ANO3: variants seen among roughly 807,000 people sequenced by gnomAD.
ANO3 encodes anoctamin-3.
ANO3 carries 99 observed loss-of-function variants against 144.8 expected under a neutral mutation model. The ratio of observed to expected loss-of-function variants is 0.68; its 90% CI spans 0.58 to 0.81. ANO3 has a LOEUF of 0.81. Ranked by LOEUF, ANO3 falls within the 30% of genes least tolerant of loss-of-function variation. ANO3 has a pLI of 0.00. For missense variants in ANO3, 905 were observed against 1,202.2 expected, an observed-to-expected ratio of 0.75 and a Z score of 3.66; for synonymous variants, 414 against 392.6, an observed-to-expected ratio of 1.05 and a Z score of -0.64.
chr11:26,603,176 A>G (rs1461724001), intron 17 of ANO3, among the ~76,000 whole-genome samples: 1 of 152,200 alleles, frequency 6.6e-6, no homozygotes, highest in East Asian at 1.9e-4. Context: ...TGGCAAAGCT[A>G]GAATCAAAAC....
At chr11:26,411,231 G>T (rs1285221068) in intron 1 of ANO3, among the ~76,000 whole-genome samples, 1 of 152,030 alleles carries the variant, frequency 6.6e-6, no homozygotes, top group African/African-American at 2.4e-5. Flanking sequence ...TGAATTGGTT[G>T]TGGCTCTTGA....
At chr11:26,513,490 A>G (rs2134147067) in intron 5 of ANO3, among the ~76,000 whole-genome samples, 1 of 152,306 alleles carries the variant, frequency 6.6e-6, no homozygotes, top group Middle Eastern at 3.4e-3. Flanking sequence ...ACAACCTGGT[A>G]GTAGGAGACC....
At chr11:26,257,452 A>G (rs991620344) in intron 1 of ANO3, among the ~76,000 whole-genome samples, 16 of 152,122 alleles carry the variant, frequency 1.1e-4, no homozygotes, top group African/African-American at 3.9e-4. Context: ...CTGGCCCTGC[A>G]CACTCAATGG....
At chr11:26,220,102 GTCC>G in intron 1 of ANO3, among the ~76,000 whole-genome samples, 1 of 152,310 alleles carries the variant, frequency 6.6e-6, no homozygotes, top group East Asian at 1.9e-4. Flanking sequence ...CTATGGTCCT[GTCC>G]TCCTACAGTT....
intron 14 of ANO3, among the ~76,000 whole-genome samples, chr11:26,585,387 A>G (rs1325857457): frequency 6.6e-6 from 1 of 152,152 alleles, no homozygotes; most frequent in Non-Finnish European, 1.5e-5. Flanking sequence ...CATTCTTTAT[A>G]AATTTAATGA....
chr11:26,645,802 C>A (rs61877275), intron 23 of ANO3, among the ~76,000 whole-genome samples: 4,646 of 152,142 alleles, frequency 0.031, 99 homozygotes, highest in Non-Finnish European at 0.049. Context: ...ATCACCATGG[C>A]ACACGTTTAC....
chr11:26,625,643 G>T (rs115257424), intron 18 of ANO3, among the ~76,000 whole-genome samples: 1,699 of 151,768 alleles, frequency 0.011, 45 homozygotes, highest in African/African-American at 0.039. Context: ...TATCCCAAAG[G>T]TTTTGCCAAG....
chr11:26,533,995 C>T (rs1236703644), intron 8 of ANO3, among the ~76,000 whole-genome samples: 3 of 152,168 alleles, frequency 2.0e-5, no homozygotes, highest in Non-Finnish European at 2.9e-5. Context: ...ATCATTGACT[C>T]TCAAATGGTT....
chr11:26,465,134 G>A (rs1479331521), intron 4 of ANO3, among the ~76,000 whole-genome samples: 1 of 146,126 alleles, frequency 6.8e-6, no homozygotes, highest in Non-Finnish European at 1.5e-5. Context: ...TTGTGTGTGT[G>A]TGTGTGTGTG....
chr11:26,525,752 C>G (rs1005579484), intron 7 of ANO3, 73 bp downstream of exon 7: 149 of 1,135,818 alleles, frequency 1.3e-4, no homozygotes, highest in Non-Finnish European at 1.8e-4. Flanking sequence ...ATTTGATTCC[C>G]CATATCAGCA....
At chr11:26,637,640 T>C (rs2133049336) in intron 20 of ANO3, among the ~76,000 whole-genome samples, 1 of 152,306 alleles carries the variant, frequency 6.6e-6, no homozygotes, top group East Asian at 1.9e-4. Flanking sequence ...AAATTCATCC[T>C]AGAAAAAGAG....
At chr11:26,374,520 T>G (rs1483040581) in intron 1 of ANO3, among the ~76,000 whole-genome samples, 2 of 152,220 alleles carry the variant, frequency 1.3e-5, no homozygotes, top group African/African-American at 4.8e-5. Context: ...AAGTTTCTGA[T>G]AAAGGGAAAC....
intron 5 of ANO3, among the ~76,000 whole-genome samples, chr11:26,516,305 C>T (rs182727328): frequency 2.4e-4 from 36 of 151,112 alleles, no homozygotes; most frequent in East Asian, 3.9e-4. Context: ...GCAAATATGA[C>T]GACTCTACGA....
At position 26,370,693 on chromosome 11, in the gene ANO3, G is replaced by A. The variant is rs75090173; in HGVS notation, c.46+38372G>A. Among the ~76,000 whole-genome samples the A allele has an allele frequency of 1.6e-3, 245 of 152,288 alleles. 5 individuals are homozygous for A. In the East Asian group the frequency reaches 0.039, roughly 24 times the overall value. On this transcript the variant is annotated intron_variant, in intron 1 of 26. Coordinates refer to ENST00000256737, the MANE Select transcript of ANO3 (RefSeq NM_031418.4). ...TGGCCAAAAGTCTGTTAGTAATATGGACAATAAAGTCCAGGCTGAGGTGGT... is the reference window on the plus strand; with the variant it reads ...TGGCCAAAAGTCTGTTAGTAATATGAACAATAAAGTCCAGGCTGAGGTGGT...
intron 1 of ANO3, among the ~76,000 whole-genome samples, chr11:26,212,289 G>A (rs1851950264): frequency 6.6e-6 from 1 of 151,408 alleles, no homozygotes; most frequent in Admixed American, 6.6e-5. Context: ...ACTAAGATCA[G>A]AGTAGAACTG....
chr11:26,352,738 T>TA (rs1855680308), intron 1 of ANO3, among the ~76,000 whole-genome samples: 1 of 152,218 alleles, frequency 6.6e-6, no homozygotes, highest in Admixed American at 6.5e-5. Context: ...TTTGTTGACT[T>TA]ACAACTTCTT....
intron 1 of ANO3, among the ~76,000 whole-genome samples, chr11:26,268,120 T>C (rs138194287): frequency 1.8e-3 from 279 of 152,298 alleles, no homozygotes; most frequent in Admixed American, 4.9e-3. Flanking sequence ...CGTCAAATAC[T>C]GCCTGAAGCA....
chr11:26,204,686 A>G (rs1851763637), intron 1 of ANO3, among the ~76,000 whole-genome samples: 1 of 152,066 alleles, frequency 6.6e-6, no homozygotes, highest in Non-Finnish European at 1.5e-5. Flanking sequence ...GGAGTTGTAC[A>G]CTGAGAGAGG....
intron 7 of ANO3, among the ~76,000 whole-genome samples, chr11:26,529,545 C>G (rs1849312488): frequency 7.2e-6 from 1 of 139,612 alleles, no homozygotes; most frequent in Non-Finnish European, 1.5e-5. Flanking sequence ...CACTGCTATA[C>G]TAATTTTTTT....
Sources: allele counts gnomAD v4.1 joint callset (sites outside exome capture counted in the v4.1 genomes callset), GRCh38; gene constraint gnomAD v4.1.1; transcripts MANE v1.5; gene names NCBI Gene and HGNC (gene_info 2026-07-23, HGNC 2026-07-21).